The following PJA2 variants were observed in gnomAD, a reference collection of about 807,000 sequenced individuals.
PJA2 encodes praja ring finger ubiquitin ligase 2, also known as E3 ubiquitin-protein ligase Praja-2.
In PJA2, 25 loss-of-function variants were observed where a neutral mutation model predicts 69.3. The observed-to-expected ratio is 0.36, with a 90% CI of 0.26 to 0.50. The LOEUF (loss-of-function observed/expected upper bound fraction) is 0.50, where lower values mean the gene tolerates loss of function less well. Among genes scored for constraint, PJA2 ranks in the 20% least tolerant of loss-of-function variants. The probability of loss-of-function intolerance (pLI) is 0.96; values close to 1 mark genes in which losing one functional copy is unlikely to be tolerated. For synonymous variants in PJA2, 308 were observed against 277.8 expected (o/e 1.11, Z -1.08); for missense variants, 809 against 830.2 (o/e 0.97, Z 0.31).
At chr5:109,380,411 G>C (rs1747015788) in intron 3 of PJA2, among the ~76,000 whole-genome samples, 1 of 152,010 alleles carries the variant, frequency 6.6e-6, no homozygotes, top group African/African-American at 2.4e-5. Context: ...CAAAACCATT[G>C]AATAACTAAG....
intron 5 of PJA2, among the ~76,000 whole-genome samples, chr5:109,364,609 C>T (rs1177404937): frequency 3.8e-5 from 5 of 131,974 alleles, no homozygotes; most frequent in African/African-American, 5.5e-5. Flanking sequence ...GGCGACAGAG[C>T]GAGACTCTGT....
In PJA2 at chr5:109,342,755, G is replaced by A. The variant is rs1340405409; in HGVS notation, c.2001+1435C>T. Among the ~76,000 whole-genome samples, 23 of 124,900 alleles carry A rather than the reference G, an allele frequency of 1.8e-4. No homozygotes were observed. In the South Asian group the frequency reaches 2.3e-3, roughly 12 times the overall value. The allele number at this position is 124,900 out of a possible 152,430, so 81.9% of individuals were successfully genotyped here. Reference sequence around the variant, plus strand: ...CCGCCCCGTCCGGGAGGTGAGGGGCGCCTCTGCCCGGCCGCCCCTACTGGG... The same window carrying A: ...CCGCCCCGTCCGGGAGGTGAGGGGCACCTCTGCCCGGCCGCCCCTACTGGG... On this transcript the variant is annotated intron_variant, in intron 9 of 9. Coordinates refer to ENST00000361189, the MANE Select transcript of PJA2 (RefSeq NM_014819.5).
At chr5:109,372,923 A>AAAAAAAAAAAAAAAAAAG (rs1272538036) in intron 4 of PJA2, among the ~76,000 whole-genome samples, 22 of 136,854 alleles carry the variant, frequency 1.6e-4, no homozygotes, top group African/African-American at 3.3e-4. Context: ...AAAAAAAAAA[A>AAAAAAAAAAAAAAAAAAG]AAAGAAAGAA....
At chr5:109,400,572 G>C (rs540915289) in intron 1 of PJA2, among the ~76,000 whole-genome samples, 2 of 152,150 alleles carry the variant, frequency 1.3e-5, no homozygotes, top group East Asian at 3.9e-4. Flanking sequence ...TTATTTAAAA[G>C]ATCATAAATC....
intron 7 of PJA2, among the ~76,000 whole-genome samples, chr5:109,352,152 C>T (rs546550303): frequency 6.6e-6 from 1 of 152,262 alleles, no homozygotes; most frequent in South Asian, 2.1e-4. Flanking sequence ...TTGGTAGAAG[C>T]CAACAATGTT....
chr5:109,349,550 A>C (rs79073756), intron 7 of PJA2, among the ~76,000 whole-genome samples: 4,642 of 152,288 alleles, frequency 0.03, 96 homozygotes, highest in Middle Eastern at 0.048. Context: ...CAGCACTTCC[A>C]GTTAGAAACC....
chr5:109,360,572 T>G (rs2126997610), intron 6 of PJA2, among the ~76,000 whole-genome samples: 1 of 152,312 alleles, frequency 6.6e-6, no homozygotes, highest in South Asian at 2.1e-4. Flanking sequence ...CATTTTCACC[T>G]TATCAACCTT....
intron 4 of PJA2, among the ~76,000 whole-genome samples, chr5:109,370,829 A>G (rs1288307076): frequency 6.6e-6 from 1 of 152,204 alleles, no homozygotes; most frequent in Non-Finnish European, 1.5e-5. Flanking sequence ...TAACATATAT[A>G]AAAGAGAAGC....
intron 8 of PJA2, 28 bp downstream of exon 8, chr5:109,344,677 C>A (rs772686520): frequency 7.0e-7 from 1 of 1,429,776 alleles, no homozygotes; most frequent in Non-Finnish European, 9.8e-7. Flanking sequence ...ATGTGTTCTT[C>A]AACATTTGAG....
At chr5:109,385,820 T>C (rs557511137) in intron 1 of PJA2, among the ~76,000 whole-genome samples, 27 of 152,288 alleles carry the variant, frequency 1.8e-4, no homozygotes, top group African/African-American at 5.3e-4. Flanking sequence ...CTTTGAATAT[T>C]TGCATATACA....
chr5:109,402,856 A>T (rs1160435620), intron 1 of PJA2, among the ~76,000 whole-genome samples: 1 of 152,154 alleles, frequency 6.6e-6, no homozygotes, highest in Admixed American at 6.5e-5. Context: ...TTCATGGGTC[A>T]AAGTGGAAGT....
At chr5:109,387,407 T>C (rs1561360946) in intron 1 of PJA2, among the ~76,000 whole-genome samples, 1 of 152,138 alleles carries the variant, frequency 6.6e-6, no homozygotes, top group Non-Finnish European at 1.5e-5. Context: ...ATTAAAATGA[T>C]TAATCAGTCC....
intron 5 of PJA2, 77 bp from the exon 6 acceptor site, chr5:109,363,099 T>C (rs760989068): frequency 7.0e-5 from 87 of 1,242,502 alleles, no homozygotes; most frequent in Non-Finnish European, 9.3e-5. Flanking sequence ...TTCTATTCCA[T>C]GCAAGTGGAT....
chr5:109,394,532 T>C lies in PJA2; in HGVS notation c.-87-11012A>G, dbSNP rs530005321. ...CTGTGAGTGATTTTTATGCCTTCCA[T>C]TTTTTGTTTTCCAACTTTTCTTTCA... On this transcript the variant is annotated intron_variant, in intron 1 of 9. Transcript: ENST00000361189. 5.3e-4 allele frequency among the ~76,000 whole-genome samples: 80 copies of C among 152,340 alleles called. 1 individual carries two copies. Among genetic ancestry groups the C allele is most frequent in the Admixed American group, 5.1e-3 (78 of 15,310 alleles).
At position 109,335,592 on chromosome 5, in the gene PJA2, CCA is replaced by C. The variant is rs1761925105; in HGVS notation, c.*1637_*1638del. The C allele has an allele frequency of 6.6e-6, 1 of 152,092 alleles. No individual in the cohort carries two copies. Among genetic ancestry groups the C allele is most frequent in the South Asian group, 2.1e-4 (1 of 4,810 alleles). 9.4% of individuals were successfully genotyped at this position (152,092 alleles called of 1,614,324 possible). ...AGGAAACAAACAAAAATCACACTAG[CCA>C]CAAATTTCCACCATATACACATGAA... On this transcript the variant is annotated 3_prime_UTR_variant, in exon 10 of 10. Transcript: ENST00000361189.
intron 9 of PJA2, among the ~76,000 whole-genome samples, chr5:109,338,777 A>G (rs1400105447): frequency 2.6e-5 from 4 of 152,208 alleles, no homozygotes; most frequent in Non-Finnish European, 5.9e-5. Flanking sequence ...AGCTATTTAA[A>G]CTTAGACAAG....
chr5:109,337,436 T>G, intron 9 of PJA2, 80 bp from the exon 10 acceptor site: 1 of 1,441,550 alleles, frequency 6.9e-7, no homozygotes, highest in South Asian at 1.5e-5. Flanking sequence ...AAAAACAGTG[T>G]CATTATCCTA....
At chr5:109,391,350 C>T (rs935275476) in intron 1 of PJA2, among the ~76,000 whole-genome samples, 2 of 152,302 alleles carry the variant, frequency 1.3e-5, no homozygotes, top group South Asian at 4.1e-4. Context: ...GTCTGATGTT[C>T]CTTTAGCCTA....
At chr5:109,393,425 CACCTAGTAA>C (rs1367721996) in intron 1 of PJA2, among the ~76,000 whole-genome samples, 1 of 152,108 alleles carries the variant, frequency 6.6e-6, no homozygotes, top group Non-Finnish European at 1.5e-5. Context: ...TTTTTGGAAG[CACCTAGTAA>C]ACCTGAACAT....
Sources: gnomAD v4.1 joint callset for allele counts (sites outside exome capture counted in the v4.1 genomes callset) on GRCh38, gnomAD v4.1.1 for gene constraint, MANE v1.5 for transcripts, NCBI Gene and HGNC (gene_info 2026-07-23, HGNC 2026-07-21) for gene names.